Variants in ATP8B4 observed in about 807,000 individuals in gnomAD.
The protein encoded by ATP8B4 is ATPase phospholipid transporting 8B4 (putative).
In ATP8B4, 133 loss-of-function variants were observed where a neutral mutation model predicts 145.6. The ratio of observed to expected loss-of-function variants is 0.91; its 90% CI spans 0.79 to 1.05. The LOEUF (loss-of-function observed/expected upper bound fraction) is 1.05. Among genes scored for constraint, ATP8B4 ranks in the 50% least tolerant of loss-of-function variants. The pLI is 0.00. For missense variants in ATP8B4, 1,458 were observed against 1,425.2 expected, an observed-to-expected ratio of 1.02 and a Z score of -0.37; for synonymous variants, 507 against 492.9, an observed-to-expected ratio of 1.03 and a Z score of -0.38.
intron 2 of ATP8B4, among the ~76,000 whole-genome samples, chr15:50,096,689 ATATT>A (rs2056009808): frequency 6.6e-6 from 1 of 152,190 alleles, no homozygotes; most frequent in South Asian, 2.1e-4. Context: ...ATGCCCTGCA[ATATT>A]TATAACAAGC....
At chr15:49,889,393 G>A (rs2036556272) in intron 23 of ATP8B4, among the ~76,000 whole-genome samples, 1 of 152,154 alleles carries the variant, frequency 6.6e-6, no homozygotes. Flanking sequence ...CTTCTCCCAG[G>A]AAATTCCACC....
intron 2 of ATP8B4, among the ~76,000 whole-genome samples, chr15:50,096,508 GGGA>G (rs1156784354): frequency 6.6e-6 from 1 of 152,146 alleles, no homozygotes; most frequent in Non-Finnish European, 1.5e-5. Context: ...CTACGACTAT[GGGA>G]GGAGATTTAA....
At chr15:50,173,226 T>A (rs1389898112) in intron 1 of ATP8B4, among the ~76,000 whole-genome samples, 2 of 152,206 alleles carry the variant, frequency 1.3e-5, no homozygotes, top group East Asian at 1.9e-4. Flanking sequence ...CAGGCCATGA[T>A]GACGATGGCG....
intron 3 of ATP8B4, among the ~76,000 whole-genome samples, chr15:50,071,586 G>A (rs1403246713): frequency 6.6e-6 from 1 of 152,178 alleles, no homozygotes; most frequent in Non-Finnish European, 1.5e-5. Flanking sequence ...TCTGATTTGG[G>A]ACTTGATGGT....
intron 3 of ATP8B4, among the ~76,000 whole-genome samples, chr15:50,063,304 A>G (rs2053159283): frequency 6.6e-6 from 1 of 152,056 alleles, no homozygotes; most frequent in Admixed American, 6.6e-5. Flanking sequence ...CAGTATTTTT[A>G]TTATTAACTT....
intron 12 of ATP8B4, 44 bp downstream of exon 12, chr15:49,979,573 G>T: frequency 7.4e-7 from 1 of 1,351,234 alleles, no homozygotes; most frequent in Non-Finnish European, 9.8e-7. Flanking sequence ...GGAAACAAAG[G>T]TTTTGATGAA....
intron 1 of ATP8B4, among the ~76,000 whole-genome samples, chr15:50,164,103 G>A (rs1450715019): frequency 1.3e-5 from 2 of 152,186 alleles, no homozygotes; most frequent in Non-Finnish European, 2.9e-5. Context: ...GACCCCAGGA[G>A]CCTGCTTGGC....
In ATP8B4 at chr15:49,873,060, G is replaced by C. The variant is rs573247198; in HGVS notation, c.3027+3218C>G. Among the ~76,000 whole-genome samples the C allele has an allele frequency of 4.6e-5, 7 of 152,278 alleles. No individual in the cohort carries two copies. In the East Asian group the frequency reaches 1.2e-3, roughly 25 times the overall value. On this transcript the variant is annotated intron_variant, in intron 25 of 27. Coordinates refer to ENST00000284509, the MANE Select transcript of ATP8B4 (RefSeq NM_024837.4). ...AAAGTTTTTTAAAGAAATTATTCCT[G>C]TTTGAACAAGATGTATTCATTATTT...
chr15:50,072,825 T>C (rs895351607), intron 3 of ATP8B4, among the ~76,000 whole-genome samples: 1 of 150,148 alleles, frequency 6.7e-6, no homozygotes, highest in Non-Finnish European at 1.5e-5. Context: ...TTTCACCATA[T>C]TGGCCAGGCT....
intron 22 of ATP8B4, among the ~76,000 whole-genome samples, chr15:49,897,792 T>C (rs915611522): frequency 2.0e-5 from 3 of 152,196 alleles, no homozygotes; most frequent in African/African-American, 7.2e-5. Context: ...GGTCTGGTGT[T>C]CTTTCCTCTA....
chr15:49,967,173 CA>C (rs1233193422), intron 13 of ATP8B4, among the ~76,000 whole-genome samples: 1 of 152,112 alleles, frequency 6.6e-6, no homozygotes, highest in Admixed American at 6.6e-5. Flanking sequence ...AAAACCAGTG[CA>C]AAAAAGCTGA....
intron 12 of ATP8B4, among the ~76,000 whole-genome samples, chr15:49,978,887 T>C (rs1250984511): frequency 6.6e-6 from 1 of 151,752 alleles, no homozygotes; most frequent in African/African-American, 2.4e-5. Flanking sequence ...AGAGACCACC[T>C]TAGCTCTAAT....
chr15:50,082,085 A>C (rs1260380432), intron 2 of ATP8B4, among the ~76,000 whole-genome samples: 1 of 152,216 alleles, frequency 6.6e-6, no homozygotes, highest in Admixed American at 6.5e-5. Context: ...AGCTAAATCA[A>C]TAACTTAAGC....
At chr15:49,962,541 A>G (rs1484349804) in intron 13 of ATP8B4, among the ~76,000 whole-genome samples, 2 of 152,242 alleles carry the variant, frequency 1.3e-5, no homozygotes, top group East Asian at 3.8e-4. Context: ...CCAGAAATTT[A>G]AAATAACTTT....
chr15:49,982,391 C>T (rs2046234089), intron 10 of ATP8B4: 1 of 152,018 alleles, frequency 6.6e-6, no homozygotes, highest in Admixed American at 6.6e-5. Flanking sequence ...ATCATATGAA[C>T]ATTGAGGGTG....
intron 7 of ATP8B4, among the ~76,000 whole-genome samples, chr15:50,003,645 ACAGT>A (rs1362968881): frequency 6.6e-6 from 1 of 152,178 alleles, no homozygotes; most frequent in African/African-American, 2.4e-5. Context: ...ATAGAGCTTA[ACAGT>A]CAGTCTATGG....
chr15:49,859,653 T>A lies in ATP8B4; in HGVS notation c.*541A>T, dbSNP rs2031272303. The A allele has an allele frequency of 6.5e-6, 1 of 152,738 alleles. No individual in the cohort carries two copies. The highest frequency in any genetic ancestry group is 1.5e-5 in the Non-Finnish European group (1 of 68,460). The allele number at this position is 152,738 out of a possible 1,614,324, so 9.5% of individuals were successfully genotyped here. A position where few individuals can be genotyped will look rare whatever the true frequency, so the allele number is the denominator to read the frequency against. ...CAGGCTTGGAAGCCATTTGTTGTCC[T>A]GGCTGAACAGACAGGTAGATATCAA... On this transcript the variant is annotated 3_prime_UTR_variant, in exon 28 of 28. Coordinates refer to ENST00000284509, the MANE Select transcript of ATP8B4 (RefSeq NM_024837.4).
intron 3 of ATP8B4, among the ~76,000 whole-genome samples, chr15:50,065,490 G>A (rs991793034): frequency 1.3e-5 from 2 of 152,064 alleles, no homozygotes; most frequent in Non-Finnish European, 2.9e-5. Context: ...GTTTTTTTCC[G>A]TTAACCTCTC....
intron 14 of ATP8B4, among the ~76,000 whole-genome samples, chr15:49,953,634 G>A (rs758144093): frequency 6.6e-6 from 1 of 152,210 alleles, no homozygotes; most frequent in Non-Finnish European, 1.5e-5. Context: ...AGCTTAGCAT[G>A]TTAGGCAGTT....
Sources: gnomAD v4.1 joint callset for allele counts (sites outside exome capture counted in the v4.1 genomes callset) on GRCh38, gnomAD v4.1.1 for gene constraint, MANE v1.5 for transcripts, NCBI Gene and HGNC (gene_info 2026-07-23, HGNC 2026-07-21) for gene names.